FLNB: variants seen among roughly 807,000 people sequenced by gnomAD.
FLNB encodes filamin B.
A neutral mutation model predicts 250.6 loss-of-function variants in FLNB; 111 were observed. The observed-to-expected ratio is 0.44, with a 90% confidence interval of 0.38 to 0.52. FLNB has a LOEUF of 0.52. Among genes scored for constraint, FLNB ranks in the 20% least tolerant of loss-of-function variants. The probability of loss-of-function intolerance (pLI) is 0.00; values close to 1 mark genes in which losing one functional copy is unlikely to be tolerated. For missense variants in FLNB, 2,869 were observed against 3,447.8 expected, an observed-to-expected ratio of 0.83 and a Z score of 4.20; for synonymous variants, 1,302 against 1,372.1, an observed-to-expected ratio of 0.95 and a Z score of 1.13.
intron 19 of FLNB, 22 bp downstream of exon 19, chr3:58,119,011 A>G: frequency 5.1e-6 from 8 of 1,554,010 alleles, no homozygotes; most frequent in Non-Finnish European, 7.1e-6. Context: ...AATGGAGAGC[A>G]GATGGGTTGT....
intron 1 of FLNB, among the ~76,000 whole-genome samples, chr3:58,072,755 T>C (rs1004439793): frequency 6.6e-6 from 1 of 152,198 alleles, no homozygotes; most frequent in Non-Finnish European, 1.5e-5. Context: ...TAAAGGGGGC[T>C]TTCCCGTGTG....
chr3:58,020,860 C>G (rs2097112955), intron 1 of FLNB, among the ~76,000 whole-genome samples: 1 of 152,064 alleles, frequency 6.6e-6, no homozygotes, highest in African/African-American at 2.4e-5. Context: ...TAAATTCAGA[C>G]TTTAAGATGA....
intron 43 of FLNB, among the ~76,000 whole-genome samples, 192 bp from the exon 44 acceptor site, chr3:58,168,248 A>G (rs1468390328): frequency 6.6e-6 from 1 of 152,166 alleles, no homozygotes; most frequent in East Asian, 1.9e-4. Flanking sequence ...CTTGGCCTAG[A>G]AAAGGGAGCC....
At chr3:58,125,256 CT>C (rs1415477390) in intron 22 of FLNB, among the ~76,000 whole-genome samples, 1 of 152,106 alleles carries the variant, frequency 6.6e-6, no homozygotes, top group Non-Finnish European at 1.5e-5. Flanking sequence ...CCTCAGCCCC[CT>C]GAGTAGCTGG....
intron 1 of FLNB, among the ~76,000 whole-genome samples, chr3:58,054,901 A>G (rs1029714932): frequency 4.6e-5 from 7 of 152,222 alleles, no homozygotes; most frequent in Admixed American, 1.3e-4. Flanking sequence ...TGTACTGTCT[A>G]TGGATGCTTT....
intron 42 of FLNB, among the ~76,000 whole-genome samples, chr3:58,162,056 G>A (rs772226367): frequency 8.5e-5 from 13 of 152,150 alleles, no homozygotes; most frequent in Non-Finnish European, 1.6e-4. Flanking sequence ...TGGACATGGC[G>A]GTGGAGCCAG....
At chr3:58,056,093 A>ATTTTT (rs1338835387) in intron 1 of FLNB, among the ~76,000 whole-genome samples, 1 of 131,246 alleles carries the variant, frequency 7.6e-6, no homozygotes, top group African/African-American at 4.1e-5. Context: ...TTATTTATTT[A>ATTTTT]TTTATTTATT....
chr3:58,112,261 G>T lies in FLNB; in HGVS notation c.2688G>T (p.Leu896Phe). The T allele has an allele frequency of 6.2e-7, 1 of 1,614,056 alleles. No individual in the cohort carries two copies. Among genetic ancestry groups the T allele is most frequent in the Non-Finnish European group, 8.5e-7 (1 of 1,180,034 alleles). Residue 896 changes from leucine to phenylalanine, a missense_variant, in exon 18 of 46, where the codon TTG (leucine) becomes TTT (phenylalanine). Physicochemically the swap from Leu to Phe is conservative, Grantham distance 22. Transcript: ENST00000295956. ...SPLPGDAVKD[L>F]DIIDNYDYSH... ...TTCCTGGCGATGCAGTGAAGGATTT[G>T]GATATCATCGATAATTATGACTACT...
chr3:58,133,017 G>C, intron 26 of FLNB, 86 bp downstream of exon 26: 17 of 1,447,404 alleles, frequency 1.2e-5, no homozygotes, highest in Non-Finnish European at 1.6e-5. Flanking sequence ...CCACCCATCC[G>C]TTCCTCCATC....
rs148043654 is a variant in FLNB at position 58,149,979 on chromosome 3, A to C, written c.6221A>C (p.Lys2074Thr). ...TVPGVYIVST[K>T]FADEHVPGSP... ...CCTGGGGTTTATATCGTCTCCACCA[A>C]ATTCGCTGACGAGCACGTGCCTGGT... Residue 2074 changes from lysine (K) to threonine (T), a missense_variant, in exon 37 of 46, where the codon AAA (lysine) becomes ACA (threonine). Physicochemically the swap from Lys to Thr is moderately conservative, Grantham distance 78. Around this residue, in one of 5 missense-constraint regions of FLNB, gnomAD observed 1,084 missense variants for 1,315.5 expected, o/e 0.82. Transcript: ENST00000295956. 2 of 1,614,232 alleles carry C rather than the reference A, an allele frequency of 1.2e-6. No individual in the cohort carries two copies. The highest frequency in any genetic ancestry group is 1.7e-6 in the Non-Finnish European group (2 of 1,180,044).
Position 58,134,742 on chromosome 3 carries a change from C to A in FLNB, c.4641C>A (p.Ala1547=). 6.2e-7 allele frequency: 1 copy of A among 1,614,080 alleles called. No individual in the cohort carries two copies. The highest frequency in any genetic ancestry group is 1.6e-4 in the Middle Eastern group (1 of 6,062). Residue 1547 remains alanine (A), a synonymous_variant, in exon 27 of 46, where the codon GCC becomes GCA. Transcript: ENST00000295956. The part of the protein sequence containing the change: ...PVDFAIDARD[A]GEGLLAVQIT... ...ACTTTGCAATTGATGCCCGAGATGC[C>A]GGGGAAGGCCTGCTTGCTGTTCAAA...
In FLNB at chr3:58,033,853, G is replaced by A. The variant is rs150418110; in HGVS notation, c.292+24997G>A. 7.0e-3 allele frequency among the ~76,000 whole-genome samples: 1,061 copies of A among 151,996 alleles called. 10 individuals are homozygous for A. Among genetic ancestry groups the A allele is most frequent in the African/African-American group, 0.024 (1,010 of 41,492 alleles). ...ATCCTTCTGTTGATAACATTTGGGT[G>A]GTTTCTTATTTATTTATTTATTTTT... On this transcript the variant is annotated intron_variant, in intron 1 of 45. Coordinates refer to ENST00000295956, the MANE Select transcript of FLNB (RefSeq NM_001457.4).
intron 2 of FLNB, 45 bp from the exon 3 acceptor site, chr3:58,078,672 T>C: frequency 6.4e-7 from 1 of 1,573,402 alleles, no homozygotes; most frequent in Non-Finnish European, 8.7e-7. Context: ...CTTTAATCTC[T>C]TTGGTCAGCT....
chr3:58,117,417 C>G (rs533359841), intron 18 of FLNB, among the ~76,000 whole-genome samples: 28 of 152,298 alleles, frequency 1.8e-4, no homozygotes, highest in African/African-American at 6.5e-4. Flanking sequence ...GTTTTTCCCT[C>G]TCTTTTTTAG....
chr3:58,103,872 G>A, intron 9 of FLNB, 87 bp from the exon 10 acceptor site: 2 of 1,531,174 alleles, frequency 1.3e-6, no homozygotes, highest in Non-Finnish European at 1.8e-6. Context: ...GTTTTGTTCA[G>A]TGTGGCTGCC....
chr3:58,084,563 A>AT (rs1250254166), intron 4 of FLNB, among the ~76,000 whole-genome samples: 5 of 121,642 alleles, frequency 4.1e-5, no homozygotes, highest in African/African-American at 1.7e-4. Flanking sequence ...TTTAAAAAAA[A>AT]ATTTTTTTTT....
rs552054151 is a variant in FLNB, at chr3:58,011,965, C to T, written c.292+3109C>T. Among the ~76,000 whole-genome samples the T allele has an allele frequency of 7.0e-4, 106 of 152,264 alleles. No homozygotes were observed. In the Middle Eastern group the frequency reaches 0.02, roughly 29 times the overall value. On this transcript the variant is annotated intron_variant, in intron 1 of 45. Transcript: ENST00000295956. ...GTGGCTCACGCCTGTAATCCCAGCA[C>T]TTTAGGAGGCCAAGGTGGGTGGATC...
intron 1 of FLNB, among the ~76,000 whole-genome samples, chr3:58,014,209 G>A (rs114831544): frequency 0.017 from 2,519 of 152,302 alleles, 63 homozygotes; most frequent in African/African-American, 0.056. Context: ...AAATCAGCGC[G>A]CTCTGGGGAG....
intron 12 of FLNB, 138 bp downstream of exon 12, chr3:58,107,011 A>ATTTGTTTGTTTG: frequency 1.4e-6 from 1 of 727,706 alleles, no homozygotes; most frequent in Non-Finnish European, 2.4e-6. Context: ...ACAGGCCTGC[A>ATTTGTTTGTTTG]TTTGTTTGTT....
Sources: allele counts gnomAD v4.1 joint callset (sites outside exome capture counted in the v4.1 genomes callset), GRCh38; gene constraint gnomAD v4.1.1; regional missense constraint gnomAD v4.1.1; transcripts MANE v1.5; gene names NCBI Gene and HGNC (gene_info 2026-07-23, HGNC 2026-07-21).